SUSD5: variants seen among roughly 807,000 people sequenced by gnomAD.
The protein encoded by SUSD5 is sushi domain containing 5.
SUSD5 carries 33 observed loss-of-function variants against 29.5 expected under a neutral mutation model. The observed-to-expected ratio is 1.12, with a 90% CI of 0.85 to 1.49. SUSD5 has a LOEUF of 1.49. SUSD5 is among the 40% of genes most tolerant of loss of function. The pLI is 0.00. For missense variants in SUSD5, 776 were observed against 800.6 expected, an observed-to-expected ratio of 0.97 and a Z score of 0.37; for synonymous variants, 308 against 325.3, an observed-to-expected ratio of 0.95 and a Z score of 0.57.
At chr3:33,184,932 A>G (rs2031748123) in intron 3 of SUSD5, among the ~76,000 whole-genome samples, 1 of 152,234 alleles carries the variant, frequency 6.6e-6, no homozygotes, top group African/African-American at 2.4e-5. Context: ...CAGTCTTTTC[A>G]AACTGTATCT....
chr3:33,198,276 T>C (rs2032034178), intron 3 of SUSD5, among the ~76,000 whole-genome samples: 2 of 152,230 alleles, frequency 1.3e-5, no homozygotes, highest in South Asian at 4.1e-4. Context: ...CAAATCTATG[T>C]CATGGGTTCT....
chr3:33,170,575 G>C (rs1472288342), intron 4 of SUSD5, among the ~76,000 whole-genome samples: 1 of 152,166 alleles, frequency 6.6e-6, no homozygotes. Flanking sequence ...GTGTGGCTGA[G>C]GGACCCTCCT....
At chr3:33,162,712 G>A (rs1382320541) in intron 4 of SUSD5, among the ~76,000 whole-genome samples, 1 of 152,172 alleles carries the variant, frequency 6.6e-6, no homozygotes, top group Non-Finnish European at 1.5e-5. Flanking sequence ...CAGAACTTTG[G>A]GAGGCTGGGG....
chr3:33,179,244 A>T (rs979100285), intron 3 of SUSD5, among the ~76,000 whole-genome samples: 2 of 152,272 alleles, frequency 1.3e-5, no homozygotes, highest in Non-Finnish European at 2.9e-5. Context: ...TGTCCATAGG[A>T]TCTGTAGTGA....
intron 3 of SUSD5, among the ~76,000 whole-genome samples, chr3:33,175,331 C>CCTTCT (rs1351813031): frequency 2.0e-5 from 3 of 152,126 alleles, no homozygotes; most frequent in African/African-American, 7.2e-5. Flanking sequence ...AGTTGCCAAA[C>CCTTCT]AATGTTACCT....
At chr3:33,218,573 G>A in intron 1 of SUSD5, 113 bp downstream of exon 1, 1 of 979,854 alleles carries the variant, frequency 1.0e-6, no homozygotes, top group Non-Finnish European at 1.3e-6. Flanking sequence ...TTCCTCTCAG[G>A]CTTGCGCTTG....
chr3:33,204,542 C>T lies in SUSD5; in HGVS notation c.409+3266G>A, dbSNP rs576350710. Among the ~76,000 whole-genome samples the T allele has an allele frequency of 1.3e-5, 2 of 152,056 alleles. No homozygotes were observed. Among genetic ancestry groups the T allele is most frequent in the African/African-American group, 2.4e-5 (1 of 41,396 alleles). ...TTCACCATGTTAGCCAGGATGGTCT[C>T]GATCTCCTGACCTCGTGATACACCC... On this transcript the variant is annotated intron_variant, in intron 3 of 4. Coordinates refer to ENST00000309558, the MANE Select transcript of SUSD5 (RefSeq NM_015551.2). This position sits in a 1 kb window ranked among gnomAD's most constrained non-coding sequence, Gnocchi z 4.5.
At chr3:33,196,978 T>C (rs144647435) in intron 3 of SUSD5, among the ~76,000 whole-genome samples, 1 of 152,306 alleles carries the variant, frequency 6.6e-6, no homozygotes, top group Non-Finnish European at 1.5e-5. Context: ...TCTGTAAAAT[T>C]TGGATAATAG....
chr3:33,180,849 A>AT (rs1259692099), intron 3 of SUSD5, among the ~76,000 whole-genome samples: 239 of 116,280 alleles, frequency 2.1e-3, no homozygotes, highest in South Asian at 5.8e-3. Context: ...CAAAAAAAAA[A>AT]TTTTTTTTTT....
At chr3:33,170,340 G>A (rs563864272) in intron 4 of SUSD5, among the ~76,000 whole-genome samples, 1 of 152,302 alleles carries the variant, frequency 6.6e-6, no homozygotes, top group African/African-American at 2.4e-5. Context: ...GAACATGTGT[G>A]GATTTTGACA....
chr3:33,187,668 T>TA (rs397756951), intron 3 of SUSD5, among the ~76,000 whole-genome samples: 3 of 151,822 alleles, frequency 2.0e-5, no homozygotes, highest in African/African-American at 7.3e-5. Flanking sequence ...TTTTTTTTTT[T>TA]ATACTTTAAG....
At chr3:33,192,135 A>G (rs1246605674) in intron 3 of SUSD5, among the ~76,000 whole-genome samples, 2 of 151,466 alleles carry the variant, frequency 1.3e-5, no homozygotes, top group Admixed American at 6.6e-5. Context: ...GTACAGTGGC[A>G]TGATCTCAGC....
chr3:33,197,977 C>T (rs889606276), intron 3 of SUSD5, among the ~76,000 whole-genome samples: 1 of 151,856 alleles, frequency 6.6e-6, no homozygotes, highest in South Asian at 2.1e-4. Flanking sequence ...GGATCAATAC[C>T]CAGGCATGGA....
intron 2 of SUSD5, among the ~76,000 whole-genome samples, chr3:33,209,920 C>T (rs1300408972): frequency 1.3e-5 from 2 of 152,052 alleles, no homozygotes; most frequent in South Asian, 2.1e-4. Context: ...TTACAGTTTC[C>T]ACACTCTGCC....
intron 4 of SUSD5, among the ~76,000 whole-genome samples, chr3:33,162,938 G>A (rs973867905): frequency 7.2e-6 from 1 of 139,020 alleles, no homozygotes; most frequent in Non-Finnish European, 1.6e-5. Flanking sequence ...AAAAAATTAT[G>A]TCCAGGAAAC....
chr3:33,179,545 G>T (rs1465015455), intron 3 of SUSD5, among the ~76,000 whole-genome samples: 2 of 152,118 alleles, frequency 1.3e-5, no homozygotes, highest in Non-Finnish European at 2.9e-5. Context: ...TGGAATATAG[G>T]TCTTATGACC....
intron 3 of SUSD5, among the ~76,000 whole-genome samples, chr3:33,206,515 G>C (rs1412242897): frequency 6.6e-6 from 1 of 151,690 alleles, no homozygotes; most frequent in Non-Finnish European, 1.5e-5. Context: ...TGAAAACCAA[G>C]TCACATCTCT....
rs2030923979 is a variant in SUSD5, at chr3:33,152,483, G to C, written c.*259C>G. On this transcript the variant is annotated 3_prime_UTR_variant, in exon 5 of 5. Coordinates refer to ENST00000309558, the MANE Select transcript of SUSD5 (RefSeq NM_015551.2). ...ATTTTTGACCTCACACTGGAAACAG[G>C]GCCCAAGCACAGGTCTGGGATTAGT... 1 of 447,792 alleles carries C rather than the reference G, an allele frequency of 2.2e-6. No homozygotes were observed. The highest frequency in any genetic ancestry group is 3.9e-6 in the Non-Finnish European group (1 of 254,926). 27.7% of individuals were successfully genotyped at this position (447,792 alleles called of 1,614,324 possible).
At chr3:33,160,536 A>G (rs998175129) in intron 4 of SUSD5, among the ~76,000 whole-genome samples, 4 of 152,214 alleles carry the variant, frequency 2.6e-5, no homozygotes, top group Non-Finnish European at 5.9e-5. Context: ...CCTGGGCAAC[A>G]TACTACTTCA....
Sources: allele counts gnomAD v4.1 joint callset (sites outside exome capture counted in the v4.1 genomes callset), GRCh38; gene constraint gnomAD v4.1.1; non-coding constraint Gnocchi (gnomAD v3.1); transcripts MANE v1.5; gene names NCBI Gene and HGNC (gene_info 2026-07-23, HGNC 2026-07-21).